TENM2: variants seen among roughly 807,000 people sequenced by gnomAD.
The protein encoded by TENM2 is teneurin transmembrane protein 2.
In TENM2, 52 loss-of-function variants were observed where a neutral mutation model predicts 245.2. The ratio of observed to expected loss-of-function variants is 0.21; its 90% CI spans 0.17 to 0.27. The LOEUF (loss-of-function observed/expected upper bound fraction) is 0.27. Among genes scored for constraint, TENM2 ranks in the 10% least tolerant of loss-of-function variants. The pLI is 1.00. For synonymous variants in TENM2, 1,363 were observed against 1,438.9 expected (o/e 0.95, Z 1.19); for missense variants, 3,046 against 3,666.8 (o/e 0.83, Z 4.37).
chr5:167,117,431 A>T, the TENM2 span, among the ~76,000 whole-genome samples: 1 of 152,286 alleles, frequency 6.6e-6, no homozygotes, highest in Non-Finnish European at 1.5e-5. Flanking sequence ...TGAACCCGGG[A>T]GGTGGAGCTT....
chr5:168,092,163 C>T (rs1366858764), intron 8 of TENM2, among the ~76,000 whole-genome samples: 1 of 152,162 alleles, frequency 6.6e-6, no homozygotes, highest in African/African-American at 2.4e-5. Context: ...ATTCAGGTGG[C>T]AATTCTTCAT....
At chr5:168,135,051 G>A (rs192388957) in intron 12 of TENM2, among the ~76,000 whole-genome samples, 57 of 152,282 alleles carry the variant, frequency 3.7e-4, no homozygotes, top group African/African-American at 1.3e-3. Flanking sequence ...TGGGCTCTGA[G>A]CATCAAGAAA....
intron 1 of TENM2, among the ~76,000 whole-genome samples, chr5:167,346,085 C>T (rs1382044998): frequency 1.3e-5 from 2 of 152,064 alleles, no homozygotes; most frequent in African/African-American, 2.4e-5. Context: ...TACCCAAGTC[C>T]GCCAAATAGC....
the TENM2 span, among the ~76,000 whole-genome samples, chr5:167,042,154 C>A: frequency 6.6e-6 from 1 of 152,154 alleles, no homozygotes; most frequent in Non-Finnish European, 1.5e-5. Context: ...AGATACAAAT[C>A]ATTATTACTT....
intron 7 of TENM2, among the ~76,000 whole-genome samples, chr5:168,078,051 A>G (rs1791637178): frequency 6.6e-6 from 1 of 152,220 alleles, no homozygotes. Context: ...CAAACAGCGT[A>G]AAAATGTTCC....
intron 2 of TENM2, among the ~76,000 whole-genome samples, chr5:167,643,458 AT>A (rs549200323): frequency 6.6e-6 from 1 of 151,812 alleles, no homozygotes; most frequent in Non-Finnish European, 1.5e-5. Context: ...TCAGTGGTTC[AT>A]TTTTTTTCCA....
chr5:166,981,556 A>G, the TENM2 span, among the ~76,000 whole-genome samples: 1 of 152,188 alleles, frequency 6.6e-6, no homozygotes, highest in Non-Finnish European at 1.5e-5. Context: ...TTTCTCTGGC[A>G]TATTCCACAC....
At chr5:167,299,145 C>T (rs181994993) in intron 1 of TENM2, among the ~76,000 whole-genome samples, 64 of 152,190 alleles carry the variant, frequency 4.2e-4, no homozygotes, top group African/African-American at 1.4e-3. Flanking sequence ...ACCTTTAGTC[C>T]GTTCTACCTT....
At chr5:167,042,119 A>G in the TENM2 span, among the ~76,000 whole-genome samples, 1 of 152,342 alleles carries the variant, frequency 6.6e-6, no homozygotes, top group South Asian at 2.1e-4. Flanking sequence ...ATAAAAGATC[A>G]AAGAAAGGGT....
chr5:168,262,457 G>C, exon 29 of TENM2: 1 of 1,567,218 alleles, frequency 6.4e-7, no homozygotes. Context: ...CACGCTGCTG[G>C]TCAACGGCAG....
chr5:167,520,209 C>G (rs1178838594), intron 2 of TENM2, among the ~76,000 whole-genome samples: 2 of 152,130 alleles, frequency 1.3e-5, no homozygotes, highest in Non-Finnish European at 1.5e-5. Flanking sequence ...TCCCTGTAAC[C>G]ATTATATGTC....
At chr5:167,462,417 G>A (rs779094511) in intron 2 of TENM2, among the ~76,000 whole-genome samples, 2 of 152,264 alleles carry the variant, frequency 1.3e-5, no homozygotes, top group Non-Finnish European at 2.9e-5. Flanking sequence ...GACGGTTTAA[G>A]TGTTAACCAG....
At chr5:167,310,229 C>A (rs557849129) in intron 1 of TENM2, among the ~76,000 whole-genome samples, 1 of 152,214 alleles carries the variant, frequency 6.6e-6, no homozygotes, top group Non-Finnish European at 1.5e-5. Flanking sequence ...TTATGCTCTA[C>A]GGCTGTCGCC....
intron 2 of TENM2, among the ~76,000 whole-genome samples, chr5:167,498,612 TAAAC>T (rs2127553023): frequency 6.6e-6 from 1 of 152,150 alleles, no homozygotes; most frequent in South Asian, 2.1e-4. Context: ...ATACAGGAGA[TAAAC>T]AAAACAGTTT....
At chr5:167,051,582 T>G in the TENM2 span, among the ~76,000 whole-genome samples, 867 of 152,306 alleles carry the variant, frequency 5.7e-3, 6 homozygotes, top group African/African-American at 0.02. Context: ...CGCATTCTCT[T>G]TGGGTGAGAT....
chr5:167,653,896 A>G (rs1754652271), intron 2 of TENM2: 1 of 151,520 alleles, frequency 6.6e-6, no homozygotes, highest in Admixed American at 6.6e-5. Context: ...GGGTTGCCAC[A>G]TCCACTTTGT....
At chr5:167,109,057 C>A in the TENM2 span, among the ~76,000 whole-genome samples, 5 of 152,062 alleles carry the variant, frequency 3.3e-5, no homozygotes, top group Non-Finnish European at 7.4e-5. Flanking sequence ...AACGTTGAAA[C>A]CTTCATTAAC....
the TENM2 span, among the ~76,000 whole-genome samples, chr5:167,156,523 C>G: frequency 1.9e-4 from 29 of 152,264 alleles, no homozygotes; most frequent in African/African-American, 7.0e-4. Flanking sequence ...TGTCATTGCT[C>G]CTGAGGAGCT....
At chr5:167,559,907 C>T (rs1217692314) in intron 2 of TENM2, among the ~76,000 whole-genome samples, 1 of 152,124 alleles carries the variant, frequency 6.6e-6, no homozygotes, top group Non-Finnish European at 1.5e-5. Flanking sequence ...TCGACAAATG[C>T]AGGCACTCCA....
Sources: gnomAD v4.1 joint callset for allele counts (sites outside exome capture counted in the v4.1 genomes callset) on GRCh38, gnomAD v4.1.1 for gene constraint, MANE v1.5 for transcripts, NCBI Gene and HGNC (gene_info 2026-07-23, HGNC 2026-07-21) for gene names.